Variants in GALK2 observed in about 807,000 individuals in gnomAD.
GALK2 encodes the protein galactokinase 2, also known as N-acetylgalactosamine kinase.
GALK2 carries 36 observed loss-of-function variants against 52.4 expected under a neutral mutation model. That is an observed-to-expected ratio of 0.69 (90% CI 0.53 to 0.91). GALK2 has a LOEUF of 0.91. Among genes scored for constraint, GALK2 ranks in the 40% least tolerant of loss-of-function variants. GALK2 has a pLI of 0.00. For missense variants in GALK2, 579 were observed against 559.1 expected, an observed-to-expected ratio of 1.04 and a Z score of -0.36; for synonymous variants, 176 against 199.1, an observed-to-expected ratio of 0.88 and a Z score of 0.98.
Position 49,367,724 on chromosome 15 carries a change from G to A in GALK2, c.*188G>A, listed in dbSNP as rs897669361. ...TTACCATTTGATATATTAAAATAAA[G>A]GAAATTCTACAAAGCATCTTCTTAA... On this transcript the variant is annotated 3_prime_UTR_variant, in exon 4 of 4. Transcript: ENST00000558399. The A allele has an allele frequency of 1.1e-5, 11 of 999,620 alleles. No homozygotes were observed. In the African/African-American group the frequency reaches 1.2e-4, roughly 11 times the overall value. 61.9% of individuals were successfully genotyped at this position (999,620 alleles called of 1,614,324 possible).
rs754154694 is a variant in GALK2, at chr15:49,328,573, ATTC to A, written c.*421_*423del. On this transcript the variant is annotated 3_prime_UTR_variant, in exon 10 of 10. Transcript: ENST00000560031. Reference sequence around the variant, plus strand: ...GAGTTCATTTCTGGTTTCTCTTAGTATTCTTCTTCCTCAAAGTTGTAGTTGTCT... The same window carrying A: ...GAGTTCATTTCTGGTTTCTCTTAGTATTCTTCCTCAAAGTTGTAGTTGTCT... 1.7e-5 allele frequency: 27 copies of A among 1,604,028 alleles called. No homozygotes were observed. Among genetic ancestry groups the A allele is most frequent in the Non-Finnish European group, 2.0e-5 (24 of 1,173,434 alleles).
intron 3 of GALK2, among the ~76,000 whole-genome samples, chr15:49,337,166 G>A (rs1380810944): frequency 6.6e-6 from 1 of 152,174 alleles, no homozygotes; most frequent in African/African-American, 2.4e-5. Flanking sequence ...GAGTACATAT[G>A]TCTTTTTGGT....
At chr15:49,156,084 C>G in intron 1 of GALK2, 1 of 1,493,566 alleles carries the variant, frequency 6.7e-7, no homozygotes. Flanking sequence ...TCCTAAGATA[C>G]TTGGAGTACT....
intron 3 of GALK2, among the ~76,000 whole-genome samples, chr15:49,229,635 G>T (rs972778508): frequency 6.6e-6 from 1 of 152,248 alleles, no homozygotes; most frequent in Admixed American, 6.5e-5. Context: ...AGTCTGGCAG[G>T]GCGGGCCTAT....
intron 5 of GALK2, among the ~76,000 whole-genome samples, chr15:49,277,458 G>A (rs1330874232): frequency 4.9e-5 from 7 of 141,474 alleles, no homozygotes; most frequent in African/African-American, 1.3e-4. Flanking sequence ...GTGAGCCACC[G>A]CACCCAGCTG....
intron 3 of GALK2, among the ~76,000 whole-genome samples, chr15:49,339,055 G>A (rs1223885190): frequency 6.6e-6 from 1 of 152,064 alleles, no homozygotes; most frequent in African/African-American, 2.4e-5. Context: ...TTCTTAGCTT[G>A]CTTGCATTGG....
chr15:49,192,075 T>G (rs558868885), intron 1 of GALK2, among the ~76,000 whole-genome samples: 2 of 152,298 alleles, frequency 1.3e-5, no homozygotes, highest in Non-Finnish European at 2.9e-5. Context: ...TCTGTGTCAT[T>G]GCGACATGTC....
chr15:49,177,688 C>T (rs915752695), intron 1 of GALK2: 22 of 521,806 alleles, frequency 4.2e-5, no homozygotes, highest in African/African-American at 3.7e-4. Context: ...ACTTATGACC[C>T]TACCAAGGCC....
chr15:49,275,892 T>G (rs948299343), intron 5 of GALK2, among the ~76,000 whole-genome samples: 7 of 152,204 alleles, frequency 4.6e-5, no homozygotes, highest in Non-Finnish European at 8.8e-5. Flanking sequence ...ATGGATAAAC[T>G]TTAATTTAGG....
rs367931698 is a variant in GALK2, at chr15:49,319,773, C to T, written c.1137C>T (p.Cys379=). ...GCCGGGACATGTATGAGTGCAGCTG[C>T]CCCGAGCTGGATCAGCTGGTGGACA... ...MSCRDMYECS[C]PELDQLVDIC... Residue 379 remains cysteine, a synonymous_variant, in exon 9 of 10, where the codon TGC becomes TGT. Coordinates refer to ENST00000560031, the MANE Select transcript of GALK2 (RefSeq NM_002044.4). 11 of 1,613,842 alleles carry T rather than the reference C, an allele frequency of 6.8e-6. No individual in the cohort carries two copies. In the African/African-American group the frequency reaches 9.3e-5, roughly 14 times the overall value.
At chr15:49,287,736 AGCTAGG>A (rs1244686046) in intron 7 of GALK2, among the ~76,000 whole-genome samples, 1 of 152,228 alleles carries the variant, frequency 6.6e-6, no homozygotes, top group African/African-American at 2.4e-5. Flanking sequence ...GAGACTGATC[AGCTAGG>A]GCTCCACATG....
chr15:49,239,169 C>G, intron 4 of GALK2, 52 bp from the exon 5 acceptor site: 1 of 1,524,714 alleles, frequency 6.6e-7, no homozygotes, highest in Non-Finnish European at 9.1e-7. Context: ...GCTTTCACTA[C>G]TCCTTGAATT....
chr15:49,174,433 C>T (rs991325196), intron 1 of GALK2, among the ~76,000 whole-genome samples: 1 of 152,222 alleles, frequency 6.6e-6, no homozygotes, highest in African/African-American at 2.4e-5. Flanking sequence ...ACAACCACCA[C>T]TTGCCGGGTT....
At chr15:49,171,866 G>A (rs1322120765) in intron 1 of GALK2, among the ~76,000 whole-genome samples, 1 of 151,724 alleles carries the variant, frequency 6.6e-6, no homozygotes, top group Non-Finnish European at 1.5e-5. Flanking sequence ...CCACCTCCCA[G>A]GTTCAATCCA....
downstream of GALK2, among the ~76,000 whole-genome samples, chr15:49,334,614 C>T (rs952346830): frequency 2.0e-5 from 3 of 152,000 alleles, no homozygotes; most frequent in Non-Finnish European, 4.4e-5. Context: ...TGGACGTACA[C>T]ATGCGTCTGT....
intron 1 of GALK2, among the ~76,000 whole-genome samples, chr15:49,185,348 A>C (rs1010028516): frequency 3.9e-5 from 6 of 152,158 alleles, no homozygotes; most frequent in Admixed American, 6.5e-5. Flanking sequence ...CAGGGTGTTT[A>C]TGTGCCACAT....
intron 4 of GALK2, among the ~76,000 whole-genome samples, chr15:49,237,564 C>A (rs909038068): frequency 1.3e-5 from 2 of 151,988 alleles, no homozygotes; most frequent in Non-Finnish European, 2.9e-5. Flanking sequence ...GCAACCTCTG[C>A]CCCCGGGGTT....
At chr15:49,306,610 G>A (rs1201830779) in intron 8 of GALK2, among the ~76,000 whole-genome samples, 1 of 152,082 alleles carries the variant, frequency 6.6e-6, no homozygotes, top group Non-Finnish European at 1.5e-5. Context: ...TAGGATAAGA[G>A]CTTATTCCCT....
chr15:49,232,911 T>C (rs2141466454), intron 3 of GALK2, among the ~76,000 whole-genome samples: 1 of 152,274 alleles, frequency 6.6e-6, no homozygotes, highest in East Asian at 1.9e-4. Flanking sequence ...GTTCAACAAG[T>C]CTCTAGGAAG....
Sources: gnomAD v4.1 joint callset for allele counts (sites outside exome capture counted in the v4.1 genomes callset) on GRCh38, gnomAD v4.1.1 for gene constraint, MANE v1.5 for transcripts, NCBI Gene and HGNC (gene_info 2026-07-23, HGNC 2026-07-21) for gene names.